Variants in WWOX observed in about 807,000 individuals in gnomAD.
WWOX encodes the protein WW domain-containing oxidoreductase.
WWOX carries 69 observed loss-of-function variants against 46.2 expected under a neutral mutation model. The ratio of observed to expected loss-of-function variants is 1.49; its 90% CI spans 1.23 to 1.82. WWOX has a LOEUF of 1.82. WWOX is among the 40% of genes most tolerant of loss of function. The pLI is 0.00. For missense variants in WWOX, 919 were observed against 542.6 expected (o/e 1.69, Z -6.89); for synonymous variants, 359 against 202.6 (o/e 1.77, Z -6.56).
intron 5 of WWOX, among the ~76,000 whole-genome samples, chr16:78,287,719 G>T (rs1277893697): frequency 1.3e-5 from 2 of 152,156 alleles, no homozygotes; most frequent in African/African-American, 2.4e-5. Context: ...TTCGATTCAT[G>T]ATATAAATTT....
At chr16:78,668,165 A>G (rs1032750965) in intron 8 of WWOX, among the ~76,000 whole-genome samples, 3 of 152,170 alleles carry the variant, frequency 2.0e-5, no homozygotes, top group Non-Finnish European at 4.4e-5. Context: ...CTGTAATCCC[A>G]GCTACTCGGG....
At chr16:78,207,328 T>C (rs138824511) in intron 5 of WWOX, among the ~76,000 whole-genome samples, 1 of 152,328 alleles carries the variant, frequency 6.6e-6, no homozygotes, top group African/African-American at 2.4e-5. Flanking sequence ...CATATCTGTA[T>C]CATAGAATCT....
intron 6 of WWOX, among the ~76,000 whole-genome samples, chr16:78,405,924 C>A (rs904184710): frequency 1.3e-5 from 2 of 152,108 alleles, no homozygotes; most frequent in African/African-American, 2.4e-5. Context: ...CTGTCACATA[C>A]CTCTCTGACA....
At chr16:78,361,739 G>A (rs1597099927) in intron 5 of WWOX, among the ~76,000 whole-genome samples, 2 of 152,128 alleles carry the variant, frequency 1.3e-5, no homozygotes, top group Middle Eastern at 3.4e-3. Flanking sequence ...AGCCTCCCAA[G>A]GAGCTGGGAT....
At position 79,212,408 on chromosome 16, in the gene WWOX, C is replaced by G; in HGVS notation, c.*612C>G. On this transcript the variant is annotated 3_prime_UTR_variant, in exon 9 of 9. Transcript: ENST00000566780. ...CAGGTGGCAAAGTACTTGTCATAGA[C>G]TCCTTTGCTAATGCTATGCAAAAAA... 2.4e-6 allele frequency: 1 copy of G among 409,920 alleles called. No individual in the cohort carries two copies. The highest frequency in any genetic ancestry group is 4.3e-6 in the Non-Finnish European group (1 of 230,730). 25.4% of individuals were successfully genotyped at this position (409,920 alleles called of 1,614,324 possible).
At chr16:78,158,770 T>C (rs4888753) in intron 4 of WWOX, among the ~76,000 whole-genome samples, 67,766 of 151,882 alleles carry the variant, frequency 0.45, 15,120 homozygotes, top group East Asian at 0.52. Flanking sequence ...ACGTATTTGA[T>C]GTATAGAACT....
intron 8 of WWOX, among the ~76,000 whole-genome samples, chr16:78,635,434 C>G (rs552089706): frequency 6.6e-6 from 1 of 152,246 alleles, no homozygotes; most frequent in African/African-American, 2.4e-5. Flanking sequence ...TTGTCCTTGA[C>G]TGGGCAAGAA....
intron 8 of WWOX, among the ~76,000 whole-genome samples, chr16:78,646,581 C>G (rs951647678): frequency 1.8e-4 from 27 of 152,114 alleles, no homozygotes; most frequent in Non-Finnish European, 3.1e-4. Flanking sequence ...GTATGTACCA[C>G]TACTCCCGGC....
At chr16:78,100,259 G>C (rs917012428) in intron 1 of WWOX, 1 of 1,109,692 alleles carries the variant, frequency 9.0e-7, no homozygotes, top group Non-Finnish European at 1.1e-6. Flanking sequence ...GTTGTGTTTT[G>C]TTTTGTTTTG....
intron 5 of WWOX, among the ~76,000 whole-genome samples, chr16:78,275,346 C>T (rs532432511): frequency 1.3e-5 from 2 of 152,328 alleles, no homozygotes; most frequent in Admixed American, 1.3e-4. Context: ...CGGTGGCCGC[C>T]CCAGTTGGAT....
Position 78,445,919 on chromosome 16 carries a change from C to T in WWOX, c.1056+13167C>T, listed in dbSNP as rs143393088. ...CAGGGGAGGGGGGAAAGAAGAGAAA[C>T]AGCTTTACTTACGTTTTTGATGAGC... On this transcript the variant is annotated intron_variant, in intron 8 of 8. Transcript: ENST00000566780. Among the ~76,000 whole-genome samples the T allele has an allele frequency of 9.1e-3, 1,389 of 152,104 alleles. 19 individuals carry two copies. The highest frequency in any genetic ancestry group is 0.032 in the African/African-American group (1,324 of 41,468).
At chr16:78,505,009 A>G (rs965373313) in intron 8 of WWOX, among the ~76,000 whole-genome samples, 1 of 152,192 alleles carries the variant, frequency 6.6e-6, no homozygotes, top group Non-Finnish European at 1.5e-5. Context: ...TGTGCACGAA[A>G]GGAGATAAAT....
intron 8 of WWOX, chr16:78,553,356 T>A (rs1247054763): frequency 6.6e-6 from 1 of 152,182 alleles, no homozygotes; most frequent in Non-Finnish European, 1.5e-5. Flanking sequence ...AGGCTTAGGA[T>A]TGGCTGGCTT....
intron 8 of WWOX, among the ~76,000 whole-genome samples, chr16:78,857,211 G>T (rs1301574895): frequency 6.6e-6 from 1 of 152,048 alleles, no homozygotes. Context: ...AGAAAAATGG[G>T]CAAAGATAAT....
rs543630976 is a variant in WWOX at position 78,875,804 on chromosome 16, C to A, written c.1057-335804C>A. 4.6e-5 allele frequency among the ~76,000 whole-genome samples: 7 copies of A among 152,284 alleles called. No homozygotes were observed. The East Asian group carries it at 9.7e-4, about 21-fold the overall frequency. The stretch of plus-strand genomic sequence containing the variant: ...CTGGATAATCCTACAATTGGTGACA[C>A]GGTTATTGACTTACAGGTTTCTAGG... On this transcript the variant is annotated intron_variant, in intron 8 of 8. Transcript: ENST00000566780.
intron 4 of WWOX, among the ~76,000 whole-genome samples, chr16:78,152,503 C>G (rs914013635): frequency 1.3e-5 from 2 of 152,104 alleles, no homozygotes; most frequent in African/African-American, 2.4e-5. Context: ...TTTCCTATCC[C>G]CCATCCCTCA....
rs181022690 is a variant in WWOX at position 78,180,489 on chromosome 16, A to T, written c.516+16200A>T. ...GCTGCACCCGAGATATGGGGTATAC[A>T]TGAGTGCTATTGGGCAAATCCAGCT... is the stretch of plus-strand genomic sequence containing the variant. On this transcript the variant is annotated intron_variant, in intron 5 of 8. Coordinates refer to ENST00000566780, the MANE Select transcript of WWOX (RefSeq NM_016373.4). Among the ~76,000 whole-genome samples the T allele has an allele frequency of 2.0e-5, 3 of 151,702 alleles. No homozygotes were observed. The East Asian group carries it at 5.8e-4, about 29-fold the overall frequency.
intron 8 of WWOX, among the ~76,000 whole-genome samples, chr16:78,814,784 G>C (rs999223338): frequency 6.6e-6 from 1 of 152,188 alleles, no homozygotes; most frequent in Non-Finnish European, 1.5e-5. Flanking sequence ...AAGGCCTTCT[G>C]GTTGAAGTTG....
chr16:78,761,231 A>G (rs2049785232), intron 8 of WWOX, among the ~76,000 whole-genome samples: 1 of 152,122 alleles, frequency 6.6e-6, no homozygotes, highest in South Asian at 2.1e-4. Flanking sequence ...TTTCTGGACT[A>G]GGTTTGTAGT....
Sources: allele counts gnomAD v4.1 joint callset (sites outside exome capture counted in the v4.1 genomes callset), GRCh38; gene constraint gnomAD v4.1.1; transcripts MANE v1.5; gene names NCBI Gene and HGNC (gene_info 2026-07-23, HGNC 2026-07-21).